Variants in MTUS1 observed in about 807,000 individuals in gnomAD.
MTUS1 encodes microtubule associated scaffold protein 1, also known as microtubule-associated tumor suppressor 1.
In MTUS1, 109 loss-of-function variants were observed where a neutral mutation model predicts 120.8. The ratio of observed to expected loss-of-function variants is 0.90; its 90% CI spans 0.77 to 1.06. The LOEUF (loss-of-function observed/expected upper bound fraction) is 1.06, where lower values mean the gene tolerates loss of function less well. MTUS1 is among the 50% of genes least tolerant of loss of function. The pLI, the probability that MTUS1 is intolerant of heterozygous loss-of-function variation, is 0.00. For missense variants in MTUS1, 2,210 were observed against 1,486.3 expected, an observed-to-expected ratio of 1.49 and a Z score of -8.01; for synonymous variants, 737 against 550.5, an observed-to-expected ratio of 1.34 and a Z score of -4.74.
intron 6 of MTUS1, among the ~76,000 whole-genome samples, chr8:17,694,858 C>G (rs1817646581): frequency 6.6e-6 from 1 of 152,100 alleles, no homozygotes; most frequent in Admixed American, 6.5e-5. Flanking sequence ...AAATCTTCAG[C>G]CAGAAATTCA....
chr8:17,751,114 C>G lies in MTUS1; in HGVS notation c.2091+2603G>C, dbSNP rs182833602. ...GGCGGATCACTTGAGGTCAGGAGTT[C>G]GAGACCAGCCTGGCCAACGTGGTGA... On this transcript the variant is annotated intron_variant, in intron 2 of 14. Coordinates refer to ENST00000693296, the MANE Select transcript of MTUS1 (RefSeq NM_001363059.2). 1.5e-4 allele frequency among the ~76,000 whole-genome samples: 23 copies of G among 151,892 alleles called. No individual in the cohort carries two copies. In the East Asian group the frequency reaches 3.1e-3, roughly 21 times the overall value.
intron 3 of MTUS1, among the ~76,000 whole-genome samples, chr8:17,735,930 G>C (rs542488757): frequency 2.6e-5 from 4 of 152,206 alleles, no homozygotes; most frequent in Non-Finnish European, 5.9e-5. Context: ...GAGAGGCCAG[G>C]ACAGCTGAGG....
chr8:17,714,230 A>G (rs1183719102), intron 5 of MTUS1, among the ~76,000 whole-genome samples: 3 of 152,118 alleles, frequency 2.0e-5, no homozygotes, highest in Non-Finnish European at 4.4e-5. Flanking sequence ...CCACTCCTAA[A>G]ATTCATGCCT....
chr8:17,738,333 G>A (rs1235856122), intron 3 of MTUS1, among the ~76,000 whole-genome samples: 1 of 152,184 alleles, frequency 6.6e-6, no homozygotes, highest in Non-Finnish European at 1.5e-5. Context: ...TCACGGGGCA[G>A]GGAGAGCATT....
intron 2 of MTUS1, among the ~76,000 whole-genome samples, chr8:17,753,125 T>C (rs12549455): frequency 0.81 from 122,735 of 152,066 alleles, 51,058 homozygotes; most frequent in Middle Eastern, 0.91. Flanking sequence ...ATATTAAGGC[T>C]GCAAGAGGCT....
At chr8:17,655,832 T>G in intron 9 of MTUS1, 31 bp downstream of exon 9, 2 of 1,606,882 alleles carry the variant, frequency 1.2e-6, no homozygotes, top group Non-Finnish European at 1.7e-6. Context: ...AGCAGAGGCC[T>G]CAGACAAGCT....
chr8:17,727,276 A>G (rs2046287407), intron 3 of MTUS1, among the ~76,000 whole-genome samples: 1 of 152,240 alleles, frequency 6.6e-6, no homozygotes, highest in Non-Finnish European at 1.5e-5. Flanking sequence ...ATAGATGAGA[A>G]GACTACTTAG....
At chr8:17,743,347 T>C (rs1215841065) in intron 3 of MTUS1, among the ~76,000 whole-genome samples, 5 of 152,304 alleles carry the variant, frequency 3.3e-5, no homozygotes, top group East Asian at 3.9e-4. Context: ...AGCCACCCAA[T>C]TGTATATTTA....
In MTUS1 at chr8:17,645,882, T is replaced by G. The variant is rs1488979039; in HGVS notation, c.*44A>C. On this transcript the variant is annotated 3_prime_UTR_variant, in exon 15 of 15. Transcript: ENST00000693296. ...CTCCTTGGGGTCAGTCCTGCAGACC[T>G]GCATCAAAATGCTTTCAGAGAGTCT... The G allele has an allele frequency of 3.8e-6, 6 of 1,581,760 alleles. No individual in the cohort carries two copies. Among genetic ancestry groups the G allele is most frequent in the Non-Finnish European group, 5.2e-6 (6 of 1,164,362 alleles).
intron 13 of MTUS1, 147 bp from the exon 14 acceptor site, chr8:17,647,226 A>G: frequency 1.7e-6 from 1 of 604,324 alleles, no homozygotes; most frequent in South Asian, 2.3e-5. Context: ...ACTAACAAAC[A>G]TACTGAAAAA....
At chr8:17,772,218 C>T (rs1355493847) in intron 1 of MTUS1, among the ~76,000 whole-genome samples, 6 of 152,082 alleles carry the variant, frequency 3.9e-5, no homozygotes, top group African/African-American at 1.2e-4. Context: ...TTCAGAACAT[C>T]GTATGTATTA....
chr8:17,697,140 A>T, intron 6 of MTUS1: 1 of 1,296,698 alleles, frequency 7.7e-7, no homozygotes. Context: ...ATCTCTCATT[A>T]GAGAGAGCTT....
intron 6 of MTUS1, among the ~76,000 whole-genome samples, chr8:17,692,702 G>A (rs1817194452): frequency 6.6e-6 from 1 of 152,064 alleles, no homozygotes; most frequent in Non-Finnish European, 1.5e-5. Flanking sequence ...GAGAGGAGCA[G>A]AAAACAATAA....
chr8:17,794,314 G>A (rs139756018), intron 1 of MTUS1, among the ~76,000 whole-genome samples: 2,977 of 151,520 alleles, frequency 0.02, 109 homozygotes, highest in African/African-American at 0.069. Context: ...GGCAACAAGA[G>A]CAAAACTCTG....
At chr8:17,740,170 T>G (rs1266878973) in intron 3 of MTUS1, among the ~76,000 whole-genome samples, 1 of 151,250 alleles carries the variant, frequency 6.6e-6, no homozygotes, top group Non-Finnish European at 1.5e-5. Context: ...ATTGCACCAT[T>G]GCACTCCAGC....
rs534063973 is a variant in MTUS1 at position 17,735,758 on chromosome 8, A to G, written c.2287+7846T>C. On this transcript the variant is annotated intron_variant, in intron 3 of 14. Transcript: ENST00000693296. ...GTCTCCATTCAAATCAAGCCAAGGA[A>G]TGTTTTTAAACACCTGTTGTGCAAC... Among the ~76,000 whole-genome samples, 12 of 152,392 alleles carry G rather than the reference A, an allele frequency of 7.9e-5. No individual in the cohort carries two copies. The South Asian group carries it at 2.5e-3, about 32-fold the overall frequency.
chr8:17,767,701 A>T (rs530022753), intron 1 of MTUS1, among the ~76,000 whole-genome samples: 2 of 83,762 alleles, frequency 2.4e-5, no homozygotes, highest in African/African-American at 7.9e-5. Context: ...CCTGTCTCTT[A>T]AAAAAAAAAA....
In MTUS1 at chr8:17,796,228, A is replaced by G. The variant is rs143940945; in HGVS notation, c.-155+4833T>C. Among the ~76,000 whole-genome samples the G allele has an allele frequency of 5.1e-4, 78 of 152,360 alleles. No individual in the cohort carries two copies. In the East Asian group the frequency reaches 0.013, roughly 25 times the overall value. ...GGCCTCCCAAAGTGCTGGGATTACA[A>G]TGAGCCACCACGCCCAGCCCCAAGA... On this transcript the variant is annotated intron_variant, in intron 1 of 14. Coordinates refer to ENST00000693296, the MANE Select transcript of MTUS1 (RefSeq NM_001363059.2).
At chr8:17,773,128 G>A (rs6999721) in intron 1 of MTUS1, among the ~76,000 whole-genome samples, 26,914 of 152,070 alleles carry the variant, frequency 0.18, 2,358 homozygotes, top group East Asian at 0.21. Flanking sequence ...ATGCCAGAGA[G>A]GATCCAAGAG....
Sources: gnomAD v4.1 joint callset for allele counts (sites outside exome capture counted in the v4.1 genomes callset) on GRCh38, gnomAD v4.1.1 for gene constraint, MANE v1.5 for transcripts, NCBI Gene and HGNC (gene_info 2026-07-23, HGNC 2026-07-21) for gene names.